Variants in ASTN2 observed in about 807,000 individuals in gnomAD.
The protein encoded by ASTN2 is astrotactin-2.
Under a neutral mutation model 139.8 loss-of-function variants are expected in ASTN2, and 54 were observed. That is an observed-to-expected ratio of 0.39 (90% CI 0.31 to 0.48). The LOEUF (loss-of-function observed/expected upper bound fraction) is 0.48. Ranked by LOEUF, ASTN2 falls within the 20% of genes least tolerant of loss-of-function variation. ASTN2 has a pLI of 0.95. For synonymous variants in ASTN2, 756 were observed against 719.5 expected (o/e 1.05, Z -0.81); for missense variants, 1,565 against 1,725.1 (o/e 0.91, Z 1.64).
At chr9:116,609,772 TTTAACATA>T (rs1196087683) in intron 19 of ASTN2, among the ~76,000 whole-genome samples, 37 of 152,180 alleles carry the variant, frequency 2.4e-4, no homozygotes, top group Non-Finnish European at 5.0e-4. Context: ...TTGTGGAATT[TTTAACATA>T]TATGTGAATA....
In ASTN2 at chr9:116,509,185, C is replaced by T. The variant is rs140734498; in HGVS notation, c.3356-21685G>A. ...CCCCTCACCCCACGACAGGCCCTGG[C>T]GTGTGATGTTCCCCATCCTGTGCCC... is the stretch of plus-strand genomic sequence containing the variant. On this transcript the variant is annotated intron_variant, in intron 19 of 22. Transcript: ENST00000313400. Among the ~76,000 whole-genome samples, 94 of 152,180 alleles carry T rather than the reference C, an allele frequency of 6.2e-4. No homozygotes were observed. The East Asian group carries it at 0.016, about 26-fold the overall frequency.
At chr9:117,061,788 T>G (rs1839302401) in intron 5 of ASTN2, among the ~76,000 whole-genome samples, 1 of 152,086 alleles carries the variant, frequency 6.6e-6, no homozygotes, top group Non-Finnish European at 1.5e-5. Context: ...ATTCAGTTCT[T>G]CAAAGACTTT....
At chr9:116,938,645 G>A (rs948908670) in intron 10 of ASTN2, among the ~76,000 whole-genome samples, 1 of 152,164 alleles carries the variant, frequency 6.6e-6, no homozygotes, top group Non-Finnish European at 1.5e-5. Flanking sequence ...TGGAGATCAT[G>A]GCCAGCCCTT....
At position 116,659,148 on chromosome 9, in the gene ASTN2, G is replaced by A. The variant is rs552685311; in HGVS notation, c.2807-7355C>T. On this transcript the variant is annotated intron_variant, in intron 16 of 22. Coordinates refer to ENST00000313400, the MANE Select transcript of ASTN2 (RefSeq NM_001365068.1). Reference sequence around the variant, plus strand: ...CTCAATTTGCAGTATGAACTGAATCGTTTATATCCTCATTATAGTACATGT... The same window carrying A: ...CTCAATTTGCAGTATGAACTGAATCATTTATATCCTCATTATAGTACATGT... Among the ~76,000 whole-genome samples the A allele has an allele frequency of 7.2e-5, 11 of 152,032 alleles. No homozygotes were observed. The South Asian group carries it at 1.5e-3, about 20-fold the overall frequency.
chr9:116,506,795 A>C (rs1321924), intron 19 of ASTN2, among the ~76,000 whole-genome samples: 137,633 of 152,194 alleles, frequency 0.9, 62,327 homozygotes, highest in Admixed American at 0.94. Context: ...CTGGGGATAG[A>C]CAAGTCCTGC....
intron 11 of ASTN2, among the ~76,000 whole-genome samples, chr9:116,830,323 CA>C (rs543287343): frequency 6.6e-6 from 1 of 151,896 alleles, no homozygotes; most frequent in East Asian, 1.9e-4. Flanking sequence ...ATTAAAAAGT[CA>C]AAAAACAACA....
intron 13 of ASTN2, among the ~76,000 whole-genome samples, chr9:116,773,604 T>A (rs1830008548): frequency 6.6e-6 from 1 of 152,188 alleles, no homozygotes; most frequent in African/African-American, 2.4e-5. Context: ...AAAGAAAACA[T>A]GCTCTGAATA....
intron 1 of ASTN2, among the ~76,000 whole-genome samples, chr9:117,317,023 G>A (rs1486246355): frequency 6.6e-6 from 1 of 152,006 alleles, no homozygotes; most frequent in Non-Finnish European, 1.5e-5. Context: ...TCTCCCCTTT[G>A]TGACTGCTTT....
intron 15 of ASTN2, among the ~76,000 whole-genome samples, chr9:116,726,360 A>C (rs1462475390): frequency 6.6e-6 from 1 of 152,138 alleles, no homozygotes; most frequent in Non-Finnish European, 1.5e-5. Context: ...GACAACAACA[A>C]CACCCATTGT....
chr9:117,075,602 C>T, intron 5 of ASTN2, among the ~76,000 whole-genome samples: 1 of 152,136 alleles, frequency 6.6e-6, no homozygotes, highest in Non-Finnish European at 1.5e-5. Context: ...GGAATTCAGA[C>T]TACCTTTCAC....
chr9:116,728,808 C>T (rs1352699893), intron 15 of ASTN2, among the ~76,000 whole-genome samples, 184 bp downstream of exon 15: 2 of 152,124 alleles, frequency 1.3e-5, no homozygotes, highest in East Asian at 1.9e-4. Context: ...ATTATTGCAT[C>T]GACCCTACTG....
At chr9:116,694,459 C>CTTTTTTTTTTTTTT (rs56666915) in intron 16 of ASTN2, among the ~76,000 whole-genome samples, 1 of 88,044 alleles carries the variant, frequency 1.1e-5, no homozygotes, top group Non-Finnish European at 2.0e-5. Context: ...TGTAATTTCT[C>CTTTTTTTTTTTTTT]TTTTTTTTTT....
intron 13 of ASTN2, among the ~76,000 whole-genome samples, chr9:116,773,302 T>C (rs562706250): frequency 1.4e-3 from 207 of 152,292 alleles, no homozygotes; most frequent in African/African-American, 4.6e-3. Flanking sequence ...GGGGTCTGTA[T>C]GAACCTTCCC....
intron 4 of ASTN2, among the ~76,000 whole-genome samples, chr9:117,119,263 C>T (rs765613489): frequency 4.6e-5 from 7 of 152,184 alleles, no homozygotes; most frequent in African/African-American, 9.7e-5. Context: ...GGAAACTCAC[C>T]TGTTTGTTTA....
intron 13 of ASTN2, among the ~76,000 whole-genome samples, chr9:116,804,116 G>C (rs1830969047): frequency 6.6e-6 from 1 of 152,126 alleles, no homozygotes; most frequent in South Asian, 2.1e-4. Context: ...ATGAGAAAGA[G>C]GAGATTCTCA....
Position 117,414,785 on chromosome 9 carries a change from TG to T in ASTN2, c.153del (p.Thr52ProfsTer14). ...TCGGGCTCCCGCGAGGCAGCGGCGG[TG>T]GCGCCGGCCAGCAGCGGCGGCGGCG... ...LLPPPPLLAG[A>X]TAAASREPDS... On this transcript the variant is annotated frameshift_variant, in exon 1 of 23. Coordinates refer to ENST00000313400, the MANE Select transcript of ASTN2 (RefSeq NM_001365068.1). LOFTEE classifies it high-confidence loss of function. The surrounding 1 kb of genome is among the most constrained non-coding windows in gnomAD (Gnocchi z 4.2). 8.0e-7 allele frequency: 1 copy of T among 1,253,222 alleles called. No individual in the cohort carries two copies. The highest frequency in any genetic ancestry group is 1.0e-6 in the Non-Finnish European group (1 of 998,252). The allele number at this position is 1,253,222 out of a possible 1,614,324, so 77.6% of individuals were successfully genotyped here. A position where few individuals can be genotyped will look rare whatever the true frequency, so the allele number is the denominator to read the frequency against.
At position 116,651,657 on chromosome 9, in the gene ASTN2, C is replaced by G; in HGVS notation, c.2943G>C (p.Gly981=). 1 of 1,614,162 alleles carries G rather than the reference C, an allele frequency of 6.2e-7. No individual in the cohort carries two copies. Among genetic ancestry groups the G allele is most frequent in the Non-Finnish European group, 8.5e-7 (1 of 1,180,040 alleles). ...SGVEIRCEEK[G]RCPSTCHLCR... is the part of the protein sequence containing the mutation. ...AAAGGTGACAGGTAGATGGACAGCG[C>G]CCCTTCTCCTCACAGCGAATCTCCA... Residue 981 remains glycine (G), a synonymous_variant, in exon 17 of 23, where the codon GGG becomes GGC. Transcript: ENST00000313400.
chr9:117,099,678 G>A (rs1050780479), intron 4 of ASTN2, among the ~76,000 whole-genome samples: 5 of 152,290 alleles, frequency 3.3e-5, no homozygotes, highest in Admixed American at 1.3e-4. Flanking sequence ...ATGAAGGCAC[G>A]TAGAAATTAA....
At chr9:116,793,626 C>T (rs932926426) in intron 13 of ASTN2, among the ~76,000 whole-genome samples, 8 of 152,134 alleles carry the variant, frequency 5.3e-5, no homozygotes, top group African/African-American at 9.7e-5. Flanking sequence ...AGGAACTTAA[C>T]GGTCCTTTGG....
Sources: allele counts gnomAD v4.1 joint callset (sites outside exome capture counted in the v4.1 genomes callset), GRCh38; gene constraint gnomAD v4.1.1; non-coding constraint Gnocchi (gnomAD v3.1); transcripts MANE v1.5; gene names NCBI Gene and HGNC (gene_info 2026-07-23, HGNC 2026-07-21).